LRRC4C: variants seen among roughly 807,000 people sequenced by gnomAD.
LRRC4C encodes the protein leucine-rich repeat-containing protein 4C.
LRRC4C carries 5 observed loss-of-function variants against 33.6 expected under a neutral mutation model. The observed-to-expected ratio is 0.15, with a 90% CI of 0.08 to 0.31. LRRC4C has a LOEUF of 0.31. LRRC4C is among the 10% of genes least tolerant of loss of function. The probability of loss-of-function intolerance (pLI) is 1.00; values close to 1 mark genes in which losing one functional copy is unlikely to be tolerated. For synonymous variants in LRRC4C, 329 were observed against 302.0 expected, an observed-to-expected ratio of 1.09 and a Z score of -0.93; for missense variants, 560 against 796.7, an observed-to-expected ratio of 0.70 and a Z score of 3.58.
chr11:40,699,689 C>T (rs1400916715), intron 2 of LRRC4C, among the ~76,000 whole-genome samples: 1 of 152,028 alleles, frequency 6.6e-6, no homozygotes, highest in Admixed American at 6.6e-5. Flanking sequence ...CAAAGAAATA[C>T]ACACACACAC....
At chr11:40,619,379 T>C (rs778959688) in intron 3 of LRRC4C, among the ~76,000 whole-genome samples, 2 of 151,730 alleles carry the variant, frequency 1.3e-5, no homozygotes, top group African/African-American at 4.8e-5. Context: ...TATTTCACAT[T>C]GCATGCCTGT....
At chr11:40,125,365 A>C (rs1166905180) in intron 6 of LRRC4C, among the ~76,000 whole-genome samples, 1 of 152,224 alleles carries the variant, frequency 6.6e-6, no homozygotes. Context: ...ATAAGAAAGA[A>C]AAAATGAAAA....
At chr11:41,230,522 G>C (rs574591639) in intron 1 of LRRC4C, among the ~76,000 whole-genome samples, 154 of 152,110 alleles carry the variant, frequency 1.0e-3, no homozygotes, top group Non-Finnish European at 1.8e-3. Context: ...TAGAGAGATA[G>C]ATTAGCCTCT....
chr11:40,324,103 C>T (rs1177674154), intron 3 of LRRC4C, among the ~76,000 whole-genome samples: 2 of 152,104 alleles, frequency 1.3e-5, no homozygotes, highest in African/African-American at 4.8e-5. Flanking sequence ...TGTGTAGGTA[C>T]ACATACTCAC....
chr11:40,372,267 C>G (rs1948482685), intron 3 of LRRC4C, among the ~76,000 whole-genome samples: 1 of 152,178 alleles, frequency 6.6e-6, no homozygotes, highest in Non-Finnish European at 1.5e-5. Context: ...TGGACGGCAG[C>G]ATCAAGGGTC....
chr11:40,345,709 T>C (rs1947095815), intron 3 of LRRC4C, among the ~76,000 whole-genome samples: 1 of 152,124 alleles, frequency 6.6e-6, no homozygotes, highest in African/African-American at 2.4e-5. Context: ...GGGACCTAGT[T>C]AAATGAAAGA....
chr11:40,238,738 A>G (rs137938232), intron 5 of LRRC4C, among the ~76,000 whole-genome samples: 35 of 152,282 alleles, frequency 2.3e-4, no homozygotes, highest in African/African-American at 8.2e-4. Context: ...ATAGAAATAG[A>G]TTTTAAAGAG....
At chr11:40,994,487 A>G (rs961062263) in intron 1 of LRRC4C, among the ~76,000 whole-genome samples, 2 of 152,082 alleles carry the variant, frequency 1.3e-5, no homozygotes, top group African/African-American at 4.8e-5. Flanking sequence ...TGATCCTTTC[A>G]GAATTTCTGG....
chr11:41,357,805 G>C (rs1428278869), intron 1 of LRRC4C, among the ~76,000 whole-genome samples: 6 of 152,066 alleles, frequency 3.9e-5, no homozygotes, highest in Non-Finnish European at 5.9e-5. Flanking sequence ...AGAATGGGAA[G>C]ACTCAACAGT....
At chr11:41,177,872 C>A (rs939522365) in intron 1 of LRRC4C, among the ~76,000 whole-genome samples, 3 of 152,086 alleles carry the variant, frequency 2.0e-5, no homozygotes, top group Non-Finnish European at 2.9e-5. Context: ...CAAACAGTAA[C>A]ATAACAAGAA....
chr11:40,813,674 C>T (rs970633495), intron 2 of LRRC4C, among the ~76,000 whole-genome samples: 1 of 152,080 alleles, frequency 6.6e-6, no homozygotes, highest in African/African-American at 2.4e-5. Flanking sequence ...AGTCCAATGT[C>T]TCATCTGCCT....
intron 2 of LRRC4C, among the ~76,000 whole-genome samples, chr11:40,808,854 T>C (rs930470988): frequency 6.6e-6 from 1 of 152,178 alleles, no homozygotes; most frequent in Non-Finnish European, 1.5e-5. Context: ...TCATCACATA[T>C]CTACATGCAT....
intron 2 of LRRC4C, among the ~76,000 whole-genome samples, chr11:40,718,048 G>T (rs1259963848): frequency 6.6e-6 from 1 of 152,110 alleles, no homozygotes; most frequent in Admixed American, 6.5e-5. Flanking sequence ...GATAAAAGAG[G>T]ATCTGTATAC....
intron 1 of LRRC4C, among the ~76,000 whole-genome samples, chr11:41,378,064 G>C (rs1953005576): frequency 6.6e-6 from 1 of 152,038 alleles, no homozygotes; most frequent in Non-Finnish European, 1.5e-5. Context: ...AAAAACAATT[G>C]TTTGACTTGC....
chr11:41,381,939 T>C (rs1346370507), intron 1 of LRRC4C, among the ~76,000 whole-genome samples: 2 of 151,232 alleles, frequency 1.3e-5, no homozygotes, highest in East Asian at 1.9e-4. Context: ...TATATGCATA[T>C]ATATAATCTA....
chr11:40,883,475 T>A (rs1423886665), intron 2 of LRRC4C, among the ~76,000 whole-genome samples: 1 of 152,026 alleles, frequency 6.6e-6, no homozygotes, highest in Non-Finnish European at 1.5e-5. Flanking sequence ...AGAAATAAAA[T>A]TAATATAAAT....
At chr11:40,122,585 A>G (rs1426591228) in intron 6 of LRRC4C, among the ~76,000 whole-genome samples, 1 of 152,158 alleles carries the variant, frequency 6.6e-6, no homozygotes, top group Non-Finnish European at 1.5e-5. Flanking sequence ...CTCCACTCAC[A>G]GACAGTGCCA....
intron 2 of LRRC4C, among the ~76,000 whole-genome samples, chr11:40,871,895 T>C (rs540424868): frequency 3.9e-5 from 6 of 152,256 alleles, no homozygotes; most frequent in African/African-American, 1.4e-4. Flanking sequence ...ATCTTTGAAC[T>C]TGTGTCCTAT....
Position 41,050,387 on chromosome 11 carries a change from A to C in LRRC4C, c.-495-116664T>G, listed in dbSNP as rs138901935. On this transcript the variant is annotated intron_variant, in intron 1 of 6. Transcript: ENST00000528697. Reference sequence around the variant, plus strand: ...GGTTTGCTGCACCCATCCACCTGGCATCCACGTTTTAGGTACCTCATGCAT... The same window carrying C: ...GGTTTGCTGCACCCATCCACCTGGCCTCCACGTTTTAGGTACCTCATGCAT... Among the ~76,000 whole-genome samples the C allele has an allele frequency of 5.1e-3, 772 of 152,244 alleles. 4 individuals are homozygous for C. The highest frequency in any genetic ancestry group is 7.8e-3 in the Non-Finnish European group (531 of 68,014).
Sources: gnomAD v4.1 joint callset for allele counts (sites outside exome capture counted in the v4.1 genomes callset) on GRCh38, gnomAD v4.1.1 for gene constraint, MANE v1.5 for transcripts, NCBI Gene and HGNC (gene_info 2026-07-23, HGNC 2026-07-21) for gene names.